PBX1: variants seen among roughly 807,000 people sequenced by gnomAD.
PBX1 encodes the protein pre-B-cell leukemia transcription factor 1.
Under a neutral mutation model 53.4 loss-of-function variants are expected in PBX1, and 6 were observed. That is an observed-to-expected ratio of 0.11 (90% CI 0.06 to 0.22). PBX1 has a LOEUF of 0.22. Ranked by LOEUF, PBX1 falls within the 10% of genes least tolerant of loss-of-function variation. The pLI is 1.00. For missense variants in PBX1, 251 were observed against 551.4 expected, an observed-to-expected ratio of 0.46 and a Z score of 5.46; for synonymous variants, 204 against 212.3, an observed-to-expected ratio of 0.96 and a Z score of 0.34.
In PBX1 at chr1:164,847,926, C is replaced by G; in HGVS notation, c.*1250C>G. On this transcript the variant is annotated 3_prime_UTR_variant, in exon 9 of 9. Coordinates refer to ENST00000420696, the MANE Select transcript of PBX1 (RefSeq NM_002585.4). The stretch of plus-strand genomic sequence containing the variant: ...CCACCTCTGGAGCACTCAGGGAGCC[C>G]CATACAGTACTTACAATGTCTTTAA... 9.5e-7 allele frequency: 1 copy of G among 1,053,664 alleles called. No homozygotes were observed. The highest frequency in any genetic ancestry group is 1.1e-6 in the Non-Finnish European group (1 of 871,998). 65.3% of individuals were successfully genotyped at this position (1,053,664 alleles called of 1,614,324 possible).
intron 2 of PBX1, among the ~76,000 whole-genome samples, chr1:164,867,902 A>G (rs1387429936): frequency 6.6e-6 from 1 of 152,246 alleles, no homozygotes; most frequent in Non-Finnish European, 1.5e-5. Context: ...TCCCTTCAGT[A>G]ACAGCCCAGA....
chr1:164,619,609 C>T (rs927489428), intron 2 of PBX1, among the ~76,000 whole-genome samples: 2 of 152,156 alleles, frequency 1.3e-5, no homozygotes, highest in African/African-American at 2.4e-5. Flanking sequence ...GAGCAGTTCA[C>T]CTCCCTTGGG....
At chr1:164,736,882 A>G (rs1048649237) in intron 2 of PBX1, among the ~76,000 whole-genome samples, 1 of 152,218 alleles carries the variant, frequency 6.6e-6, no homozygotes, top group African/African-American at 2.4e-5. Flanking sequence ...GTTTCACTCT[A>G]TTAAAAGAAA....
At chr1:164,759,847 G>A (rs571296685) in intron 2 of PBX1, among the ~76,000 whole-genome samples, 1 of 152,142 alleles carries the variant, frequency 6.6e-6, no homozygotes, top group African/African-American at 2.4e-5. Context: ...GTTATGGCCT[G>A]TGCTCCTGAC....
chr1:164,674,847 G>GCCCCCCCCCCCC (rs78130048), intron 2 of PBX1: 3 of 40,710 alleles, frequency 7.4e-5, no homozygotes, highest in Non-Finnish European at 1.2e-4. Context: ...AGAAATCACA[G>GCCCCCCCCCCCC]CCCCCCCCCC....
intron 2 of PBX1, among the ~76,000 whole-genome samples, chr1:164,762,394 A>G (rs1372505388): frequency 2.0e-5 from 3 of 152,226 alleles, no homozygotes; most frequent in Non-Finnish European, 4.4e-5. Flanking sequence ...TTTTCCTACT[A>G]TGTTAAATGT....
chr1:164,756,493 C>T (rs1666533581), intron 2 of PBX1, among the ~76,000 whole-genome samples: 1 of 152,046 alleles, frequency 6.6e-6, no homozygotes, highest in Admixed American at 6.6e-5. Flanking sequence ...ATTACTTTTT[C>T]TTTGTTGCAA....
chr1:164,726,216 C>T (rs565016806), intron 2 of PBX1, among the ~76,000 whole-genome samples: 1 of 152,322 alleles, frequency 6.6e-6, no homozygotes, highest in African/African-American at 2.4e-5. Context: ...GGTCAACCCA[C>T]GGTTGCCTCC....
intron 2 of PBX1, chr1:164,682,065 T>C (rs1661806803): frequency 6.6e-6 from 1 of 152,238 alleles, no homozygotes; most frequent in Admixed American, 6.5e-5. Context: ...TGTATTAATA[T>C]GTCTTGTTAA....
At chr1:164,579,967 C>A (rs1654497894) in intron 2 of PBX1, among the ~76,000 whole-genome samples, 1 of 152,140 alleles carries the variant, frequency 6.6e-6, no homozygotes, top group African/African-American at 2.4e-5. Flanking sequence ...GAGAGAGAGG[C>A]TGACTTGGAG....
At chr1:164,561,728 A>G (rs1653062026) in intron 1 of PBX1, among the ~76,000 whole-genome samples, 1 of 152,114 alleles carries the variant, frequency 6.6e-6, no homozygotes, top group Non-Finnish European at 1.5e-5. Context: ...CCCCCTTTCA[A>G]TGGCCTAGAT....
At chr1:164,693,969 C>T (rs1482923906) in intron 2 of PBX1, among the ~76,000 whole-genome samples, 1 of 152,162 alleles carries the variant, frequency 6.6e-6, no homozygotes, top group Non-Finnish European at 1.5e-5. Context: ...TCTGTATCTT[C>T]TGTACCTCCT....
At chr1:164,864,634 A>G (rs1455919967) in intron 2 of PBX1, among the ~76,000 whole-genome samples, 1 of 152,250 alleles carries the variant, frequency 6.6e-6, no homozygotes, top group East Asian at 1.9e-4. Flanking sequence ...AGGGGTTGCA[A>G]AAACATCTTC....
intron 2 of PBX1, among the ~76,000 whole-genome samples, chr1:164,742,634 C>T (rs995434537): frequency 2.0e-5 from 3 of 152,192 alleles, no homozygotes; most frequent in African/African-American, 7.2e-5. Flanking sequence ...ACATTGAGGC[C>T]AATATCTACG....
chr1:164,560,673 A>AG (rs1652975572), intron 1 of PBX1, among the ~76,000 whole-genome samples: 1 of 152,124 alleles, frequency 6.6e-6, no homozygotes, highest in Non-Finnish European at 1.5e-5. Flanking sequence ...GTTGATGAAA[A>AG]GGTGATTTTG....
intron 2 of PBX1, among the ~76,000 whole-genome samples, chr1:164,669,801 C>A (rs1327699539): frequency 6.6e-6 from 1 of 152,222 alleles, no homozygotes; most frequent in African/African-American, 2.4e-5. Flanking sequence ...TTGTCACAGA[C>A]CGTCATGAAG....
intron 2 of PBX1, among the ~76,000 whole-genome samples, chr1:164,870,266 CTTCTTTCTTTCTTTCT>C (rs1162744857): frequency 1.2e-3 from 55 of 45,150 alleles, no homozygotes; most frequent in South Asian, 4.3e-3. Context: ...TCCTTCCTTC[CTTCTTTCTTTCTTTCT>C]TTCTTTCTTT....
At chr1:164,629,283 G>C (rs557858120) in intron 2 of PBX1, among the ~76,000 whole-genome samples, 10 of 152,168 alleles carry the variant, frequency 6.6e-5, no homozygotes, top group Non-Finnish European at 1.2e-4. Context: ...AGCTTTGTGA[G>C]TGGTTGGATG....
chr1:164,731,101 G>A (rs947944259), intron 2 of PBX1, among the ~76,000 whole-genome samples: 4 of 152,274 alleles, frequency 2.6e-5, no homozygotes, highest in South Asian at 2.1e-4. Flanking sequence ...GCGCATGCAT[G>A]CATGTGCACA....
Sources: gnomAD v4.1 joint callset for allele counts (sites outside exome capture counted in the v4.1 genomes callset) on GRCh38, gnomAD v4.1.1 for gene constraint, MANE v1.5 for transcripts, NCBI Gene and HGNC (gene_info 2026-07-23, HGNC 2026-07-21) for gene names.